CLSTN3: variants seen among roughly 807,000 people sequenced by gnomAD.
The protein encoded by CLSTN3 is calsyntenin-3.
Under a neutral mutation model 95.9 loss-of-function variants are expected in CLSTN3, and 36 were observed. The ratio of observed to expected loss-of-function variants is 0.38; its 90% confidence interval spans 0.29 to 0.50. CLSTN3 has a LOEUF of 0.50. CLSTN3 is among the 20% of genes least tolerant of loss of function. CLSTN3 has a pLI of 0.95. For synonymous variants in CLSTN3, 481 were observed against 504.0 expected (o/e 0.95, Z 0.61); for missense variants, 1,084 against 1,268.8 (o/e 0.85, Z 2.21).
chr12:7,130,987 T>G (rs1591611983), intron 1 of CLSTN3: 2 of 543,458 alleles, frequency 3.7e-6, no homozygotes, highest in African/African-American at 3.8e-5. Context: ...GGGGTCTCTA[T>G]TCTCCCCTTC....
chr12:7,135,184 C>T (rs1419477424), intron 3 of CLSTN3, 143 bp from the exon 4 acceptor site: 2 of 756,890 alleles, frequency 2.6e-6, no homozygotes, highest in Non-Finnish European at 4.5e-6. Context: ...CGAACCTGTC[C>T]CTCCATGTGC....
Position 7,157,581 on chromosome 12 carries a change from C to T in CLSTN3, c.2620C>T (p.His874Tyr). Reference sequence around the variant, plus strand: ...GGGCCTGGTGCGCATCCATTCCCTTCACCGCCGCGTCTCAGGGGCCGGCGG... The same window carrying T: ...GGGCCTGGTGCGCATCCATTCCCTTTACCGCCGCGTCTCAGGGGCCGGCGG... Reference protein sequence around the residue: ...VLGLVRIHSLHRRVSGAGGPP... With the variant: ...VLGLVRIHSLYRRVSGAGGPP... Residue 874 changes from histidine to tyrosine, a missense_variant, in exon 17 of 18, where the codon CAC becomes TAC. Coordinates refer to ENST00000266546, the MANE Select transcript of CLSTN3 (RefSeq NM_014718.4). The surrounding 1 kb of genome is among the most constrained non-coding windows in gnomAD (Gnocchi z 5.9). 1 of 1,613,470 alleles carries T rather than the reference C, an allele frequency of 6.2e-7. No individual in the cohort carries two copies. Among genetic ancestry groups the T allele is most frequent in the South Asian group, 1.1e-5 (1 of 90,936 alleles).
At position 7,141,516 on chromosome 12, in the gene CLSTN3, G is replaced by A. The variant is rs1939526143; in HGVS notation, c.1486+112G>A. 2 of 1,113,626 alleles carry A rather than the reference G, an allele frequency of 1.8e-6. No homozygotes were observed. The highest frequency in any genetic ancestry group is 1.9e-5 in the Admixed American group (1 of 53,036). The allele number at this position is 1,113,626 out of a possible 1,614,324, so 69.0% of individuals were successfully genotyped here. A position where few individuals can be genotyped will look rare whatever the true frequency, so the allele number is the denominator to read the frequency against. On this transcript the variant is annotated intron_variant, in intron 9 of 17. Transcript: ENST00000266546. This position sits in a 1 kb window ranked among gnomAD's most constrained non-coding sequence, Gnocchi z 4.1. ...CTGAGGCCGCCTCCTGCATCTCTCT[G>A]CAGCTGTGCAGGGTGACTCTGAAGA...
At chr12:7,136,511 T>G in intron 6 of CLSTN3, 120 bp downstream of exon 6, 1 of 1,041,508 alleles carries the variant, frequency 9.6e-7, no homozygotes, top group Non-Finnish European at 1.4e-6. Flanking sequence ...TCCATAGAGG[T>G]TGTGACACGA....
intron 12 of CLSTN3, among the ~76,000 whole-genome samples, chr12:7,143,741 C>T (rs561624381): frequency 3.3e-5 from 5 of 152,206 alleles, no homozygotes; most frequent in Non-Finnish European, 5.9e-5. Flanking sequence ...TGCAAGGTCA[C>T]GTACGATGGC....
In CLSTN3 at chr12:7,133,619, G is replaced by C. The variant is rs375695520; in HGVS notation, c.234G>C (p.Glu78Asp). ...FRLHGSGVPFEAVILDKATGE... is the reference protein window; with the variant it reads ...FRLHGSGVPFDAVILDKATGE... ...TCCATGGGTCTGGGGTGCCCTTTGAGGCTGTGATCCTTGACAAGGCGACAG... is the reference window on the plus strand; with the variant it reads ...TCCATGGGTCTGGGGTGCCCTTTGACGCTGTGATCCTTGACAAGGCGACAG... The change falls in exon 3 of 18, where the codon GAG becomes GAC. Residue 78 changes from glutamate (E) to aspartate (D), a missense_variant. Transcript: ENST00000266546. The surrounding 1 kb of genome is among the most constrained non-coding windows in gnomAD (Gnocchi z 4.7). 52 of 1,614,008 alleles carry C rather than the reference G, an allele frequency of 3.2e-5. No individual in the cohort carries two copies. The highest frequency in any genetic ancestry group is 3.3e-4 in the Middle Eastern group (2 of 6,082).
rs779189003 is a variant in CLSTN3, at chr12:7,141,385, G to A, written c.1467G>A (p.Met489Ile). The change falls in exon 9 of 18, where the codon ATG becomes ATA. Residue 489 changes from methionine to isoleucine, a missense_variant. Transcript: ENST00000266546. This position sits in a 1 kb window ranked among gnomAD's most constrained non-coding sequence, Gnocchi z 4.1. ...IHPPRREPAL[M>I]IGACWTEEKN... ...CACCCCGAAGGGAGCCTGCTCTCAT[G>A]ATTGGGGCCTGCTGGACTGGTAAGC... 4 of 1,614,204 alleles carry A rather than the reference G, an allele frequency of 2.5e-6. No homozygotes were observed. Among genetic ancestry groups the A allele is most frequent in the South Asian group, 2.2e-5 (2 of 91,088 alleles).
At chr12:7,148,620 A>G (rs1392819051) in intron 12 of CLSTN3, among the ~76,000 whole-genome samples, 5 of 152,236 alleles carry the variant, frequency 3.3e-5, no homozygotes, top group African/African-American at 1.2e-4. Context: ...GTGTGTGTAT[A>G]TATACCTGTT....
chr12:7,156,912 G>A (rs1322924901), intron 16 of CLSTN3: 2 of 448,564 alleles, frequency 4.5e-6, no homozygotes, highest in East Asian at 7.0e-5. Context: ...GAGGTGTCAC[G>A]GAGTGAGCTC....
rs1267770704 is a variant in CLSTN3 at position 7,136,882 on chromosome 12, T to C, written c.982T>C (p.Trp328Arg). Residue 328 changes from tryptophan (W) to arginine (R), a missense_variant, in exon 7 of 18, where the codon TGG (tryptophan) becomes CGG (arginine). Trp to Arg is a moderately radical substitution (Grantham distance 101, BLOSUM62 -3). Coordinates refer to ENST00000266546, the MANE Select transcript of CLSTN3 (RefSeq NM_014718.4). ...LLPMPGPNAN[W>R]TAGLSVHYSQ... The stretch of plus-strand genomic sequence containing the variant: ...GCCCATGCCTGGCCCCAATGCCAAC[T>C]GGACAGCAGGACTCTCGGTGCACTA... The C allele has an allele frequency of 1.2e-6, 2 of 1,613,884 alleles. No individual in the cohort carries two copies. Among genetic ancestry groups the C allele is most frequent in the Admixed American group, 1.7e-5 (1 of 59,992 alleles).
intron 4 of CLSTN3, 44 bp downstream of exon 4, chr12:7,135,579 G>C: frequency 6.3e-7 from 1 of 1,589,080 alleles, no homozygotes; most frequent in South Asian, 1.1e-5. Context: ...TTCCCCTTGA[G>C]CACCCACCTC....
Position 7,133,435 on chromosome 12 carries a change from T to G in CLSTN3, c.188-138T>G, listed in dbSNP as rs1328615651. On this transcript the variant is annotated intron_variant, in intron 2 of 17. Transcript: ENST00000266546. The surrounding 1 kb of genome is among the most constrained non-coding windows in gnomAD (Gnocchi z 4.7). ...GAAGCTGGGCTTAGAGTTGCGTGTT[T>G]GATCATTAATGCTTTTGTGCCTACA... 1 of 877,314 alleles carries G rather than the reference T, an allele frequency of 1.1e-6. No homozygotes were observed. The highest frequency in any genetic ancestry group is 1.7e-5 in the African/African-American group (1 of 59,544). The allele number at this position is 877,314 out of a possible 1,614,324, so 54.3% of individuals were successfully genotyped here.
Position 7,138,059 on chromosome 12 carries a change from C to T in CLSTN3, c.1315C>T (p.Leu439=). Residue 439 remains leucine (L), a synonymous_variant, in exon 8 of 18, where the codon CTG becomes TTG. Coordinates refer to ENST00000266546, the MANE Select transcript of CLSTN3 (RefSeq NM_014718.4). The part of the protein sequence containing the change: ...SARPVKFLWK[L]EQVCDDEWHH... Reference sequence around the variant, plus strand: ...CCGCCCAGTCAAGTTCCTCTGGAAGCTGGAGCAGGTGAGGCAAGAGCCAGG... The same window carrying T: ...CCGCCCAGTCAAGTTCCTCTGGAAGTTGGAGCAGGTGAGGCAAGAGCCAGG... The T allele has an allele frequency of 6.2e-7, 1 of 1,613,434 alleles. No individual in the cohort carries two copies. The highest frequency in any genetic ancestry group is 8.5e-7 in the Non-Finnish European group (1 of 1,179,542).
rs1939454113 is a variant in CLSTN3 at position 7,137,760 on chromosome 12, G to GTA, written c.1211-194_1211-193insAT. 3.4e-5 allele frequency among the ~76,000 whole-genome samples: 2 copies of GTA among 59,508 alleles called. No individual in the cohort carries two copies. The highest frequency in any genetic ancestry group is 8.6e-5 in the Non-Finnish European group (2 of 23,210). The allele number at this position is 59,508 out of a possible 152,430, so 39.0% of individuals were successfully genotyped here. Reference sequence around the variant, plus strand: ...CAAGTTATCACTTGGACTGGAATGTGTGTGTGTGTGTGTGTGTGTGTGTGT... The same window carrying GTA: ...CAAGTTATCACTTGGACTGGAATGTGTATGTGTGTGTGTGTGTGTGTGTGTGT... On this transcript the variant is annotated intron_variant, in intron 7 of 17. Transcript: ENST00000266546. The surrounding 1 kb of genome is among the most constrained non-coding windows in gnomAD (Gnocchi z 4.4).
At chr12:7,130,259 G>A (rs1591611372), upstream of CLSTN3, 1 of 497,530 alleles carries the variant, frequency 2.0e-6, no homozygotes, top group Non-Finnish European at 3.0e-6. Context: ...CTCCAGCCCC[G>A]ACGCCCCAGT....
rs987244018 is a variant in CLSTN3 at position 7,150,143 on chromosome 12, C to T, written c.2246-401C>T. ...ATGATTTGGTAGTTTCCAAAGGAAG[C>T]CAGGAGGGAGAATGGAGAAGATGGA... On this transcript the variant is annotated intron_variant, in intron 14 of 17. Coordinates refer to ENST00000266546, the MANE Select transcript of CLSTN3 (RefSeq NM_014718.4). The surrounding 1 kb of genome is among the most constrained non-coding windows in gnomAD (Gnocchi z 4.0). Among the ~76,000 whole-genome samples the T allele has an allele frequency of 6.6e-6, 1 of 152,204 alleles. No individual in the cohort carries two copies. Among genetic ancestry groups the T allele is most frequent in the African/African-American group, 2.4e-5 (1 of 41,450 alleles).
chr12:7,154,369 C>T (rs1368201506), intron 16 of CLSTN3, among the ~76,000 whole-genome samples: 1 of 152,120 alleles, frequency 6.6e-6, no homozygotes, highest in Non-Finnish European at 1.5e-5. Flanking sequence ...TGAACTGGAA[C>T]CAGGGTAAAC....
intron 3 of CLSTN3, 132 bp from the exon 4 acceptor site, chr12:7,135,195 C>T (rs947258991): frequency 2.1e-5 from 17 of 809,260 alleles, no homozygotes; most frequent in Middle Eastern, 2.4e-4. Context: ...CTCCATGTGC[C>T]GTATCAAGGC....
Position 7,149,819 on chromosome 12 carries a change from C to A in CLSTN3, c.2245+126C>A. The A allele has an allele frequency of 1.2e-6, 1 of 867,158 alleles. No individual in the cohort carries two copies. The highest frequency in any genetic ancestry group is 1.7e-6 in the Non-Finnish European group (1 of 575,632). 53.7% of individuals were successfully genotyped at this position (867,158 alleles called of 1,614,324 possible). A position where few individuals can be genotyped will look rare whatever the true frequency, so the allele number is the denominator to read the frequency against. On this transcript the variant is annotated intron_variant, in intron 14 of 17. Coordinates refer to ENST00000266546, the MANE Select transcript of CLSTN3 (RefSeq NM_014718.4). This position sits in a 1 kb window ranked among gnomAD's most constrained non-coding sequence, Gnocchi z 4.5. ...TGGACAAGTGCCGTTTTGCATTTTC[C>A]TAGCCTGGAAGATCCTCTGGCTTTG...
Sources: gnomAD v4.1 joint callset for allele counts (sites outside exome capture counted in the v4.1 genomes callset) on GRCh38, gnomAD v4.1.1 for gene constraint, Gnocchi (gnomAD v3.1) non-coding constraint, MANE v1.5 for transcripts, NCBI Gene and HGNC (gene_info 2026-07-23, HGNC 2026-07-21) for gene names.